MYO9A: variants seen among roughly 807,000 people sequenced by gnomAD.
MYO9A encodes unconventional myosin-IXa.
A neutral mutation model predicts 293.3 loss-of-function variants in MYO9A; 103 were observed. The ratio of observed to expected loss-of-function variants is 0.35; its 90% CI spans 0.30 to 0.41. MYO9A has a LOEUF of 0.41. MYO9A is among the 10% of genes least tolerant of loss of function. The probability of loss-of-function intolerance (pLI) is 1.00; values close to 1 mark genes in which losing one functional copy is unlikely to be tolerated. For missense variants in MYO9A, 2,685 were observed against 3,033.0 expected, an observed-to-expected ratio of 0.89 and a Z score of 2.69; for synonymous variants, 1,001 against 1,035.7, an observed-to-expected ratio of 0.97 and a Z score of 0.64.
At chr15:72,061,810 C>G (rs1364304937) in intron 1 of MYO9A, among the ~76,000 whole-genome samples, 1 of 152,154 alleles carries the variant, frequency 6.6e-6, no homozygotes, top group Admixed American at 6.6e-5. Flanking sequence ...AATTCACTAC[C>G]CACTGACTAA....
chr15:71,889,191 T>A (rs780496571), intron 26 of MYO9A, among the ~76,000 whole-genome samples: 4 of 152,104 alleles, frequency 2.6e-5, no homozygotes, highest in Non-Finnish European at 5.9e-5. Flanking sequence ...AAGGTCCACA[T>A]TGAATGTTCA....
chr15:72,012,068 C>CT (rs2077190610), intron 6 of MYO9A, among the ~76,000 whole-genome samples: 1 of 152,102 alleles, frequency 6.6e-6, no homozygotes, highest in South Asian at 2.1e-4. Flanking sequence ...GTTTTAGGCA[C>CT]TGTAAGCATT....
At chr15:72,044,234 C>T (rs1361583110) in intron 2 of MYO9A, among the ~76,000 whole-genome samples, 1 of 151,992 alleles carries the variant, frequency 6.6e-6, no homozygotes, top group African/African-American at 2.4e-5. Flanking sequence ...TGGAGAAACC[C>T]CTACTCTACT....
chr15:71,936,330 G>A (rs1000107276), intron 16 of MYO9A, among the ~76,000 whole-genome samples: 18 of 152,118 alleles, frequency 1.2e-4, no homozygotes, highest in Non-Finnish European at 2.2e-4. Context: ...ATGAGGTGGA[G>A]GGGTGCAGTA....
chr15:71,891,728 T>C (rs964359119), intron 26 of MYO9A: 1 of 152,220 alleles, frequency 6.6e-6, no homozygotes, highest in Non-Finnish European at 1.5e-5. Context: ...AGGGGACTTG[T>C]TTTGCATTTT....
At chr15:72,104,460 A>G (rs1319502200) in intron 1 of MYO9A, among the ~76,000 whole-genome samples, 6 of 152,354 alleles carry the variant, frequency 3.9e-5, no homozygotes, top group East Asian at 3.9e-4. Context: ...ATACGGTAAT[A>G]TAAGTCTGGT....
intron 1 of MYO9A, among the ~76,000 whole-genome samples, chr15:72,110,435 C>CAAAAAAAAAAAAAAAAAA: frequency 2.2e-5 from 1 of 45,106 alleles, no homozygotes; most frequent in Non-Finnish European, 4.7e-5. Flanking sequence ...GACTCCATCT[C>CAAAAAAAAAAAAAAAAAA]AAAAAAAAAA....
At chr15:71,922,110 T>C (rs1198162785) in intron 18 of MYO9A, among the ~76,000 whole-genome samples, 3 of 152,188 alleles carry the variant, frequency 2.0e-5, no homozygotes, top group Non-Finnish European at 4.4e-5. Context: ...CCTGAGTAGT[T>C]GAGACTACAG....
intron 39 of MYO9A, among the ~76,000 whole-genome samples, chr15:71,835,398 A>C (rs548137527): frequency 1.3e-5 from 2 of 152,338 alleles, no homozygotes; most frequent in East Asian, 3.9e-4. Context: ...AATCCAAAGG[A>C]GTCCACAGAA....
rs2054385625 is a variant in MYO9A, at chr15:71,824,411, CACAGGAAA to C, written c.*2161_*2168del. 1 of 152,114 alleles carries C rather than the reference CACAGGAAA, an allele frequency of 6.6e-6. No individual in the cohort carries two copies. The highest frequency in any genetic ancestry group is 2.4e-5 in the African/African-American group (1 of 41,422). The allele number at this position is 152,114 out of a possible 1,614,324, so 9.4% of individuals were successfully genotyped here. A position where few individuals can be genotyped will look rare whatever the true frequency, so the allele number is the denominator to read the frequency against. On this transcript the variant is annotated 3_prime_UTR_variant, in exon 42 of 42. Transcript: ENST00000356056. ...TGTTCTTCTGGCCATTCCTCTGGGC[CACAGGAAA>C]TTATTCCATAAGGGCAATCTCTTTT...
chr15:72,038,791 TAA>T (rs2078138981), intron 2 of MYO9A, among the ~76,000 whole-genome samples: 1 of 152,220 alleles, frequency 6.6e-6, no homozygotes. Flanking sequence ...GTGAGAGAAA[TAA>T]GAGTCTATCT....
chr15:72,060,137 CTAT>C (rs1463500576), intron 1 of MYO9A, among the ~76,000 whole-genome samples: 1 of 152,094 alleles, frequency 6.6e-6, no homozygotes, highest in Non-Finnish European at 1.5e-5. Context: ...GTAGAATATA[CTAT>C]AATATGGATC....
chr15:71,999,065 C>T (rs1215569097), intron 9 of MYO9A: 1 of 152,116 alleles, frequency 6.6e-6, no homozygotes, highest in African/African-American at 2.4e-5. Context: ...GAAATGTGGA[C>T]TTGGAGATAC....
At position 71,968,130 on chromosome 15, in the gene MYO9A, ATT is replaced by A; in HGVS notation, c.1845-7_1845-6del. 1 of 1,557,530 alleles carries A rather than the reference ATT, an allele frequency of 6.4e-7. No homozygotes were observed. The highest frequency in any genetic ancestry group is 8.7e-7 in the Non-Finnish European group (1 of 1,154,950). ...TGATTTGTAGCCTGTGGAAAGCTGA[ATT>A]AAAAAAAAAAGAAAAAATATCATTA... is the stretch of plus-strand genomic sequence containing the variant. On this transcript the variant is annotated splice_polypyrimidine_tract_variant and splice_region_variant and intron_variant, in intron 12 of 41. Coordinates refer to ENST00000356056, the MANE Select transcript of MYO9A (RefSeq NM_006901.4).
intron 2 of MYO9A, among the ~76,000 whole-genome samples, chr15:72,034,810 T>C (rs571809646): frequency 1.3e-5 from 2 of 152,366 alleles, no homozygotes; most frequent in East Asian, 3.9e-4. Context: ...ACTACTCTTA[T>C]TTTCATATAT....
intron 1 of MYO9A, among the ~76,000 whole-genome samples, chr15:72,074,886 ATCTG>A (rs1357405691): frequency 6.8e-6 from 1 of 147,794 alleles, no homozygotes; most frequent in Admixed American, 6.8e-5. Flanking sequence ...CCCTTTTTTG[ATCTG>A]TCTGAGGAAT....
chr15:71,976,728 A>C (rs899152708), intron 12 of MYO9A, among the ~76,000 whole-genome samples: 2 of 151,992 alleles, frequency 1.3e-5, no homozygotes, highest in Non-Finnish European at 2.9e-5. Flanking sequence ...CTGGACAGAA[A>C]ATTAAGGTAC....
intron 1 of MYO9A, among the ~76,000 whole-genome samples, chr15:72,084,707 C>T (rs7183055): frequency 0.66 from 100,151 of 151,970 alleles, 33,829 homozygotes; most frequent in Middle Eastern, 0.74. Flanking sequence ...GATCTTATTT[C>T]CCCTTTGCTA....
chr15:71,939,146 C>G (rs1279465856), intron 15 of MYO9A: 1 of 471,900 alleles, frequency 2.1e-6, no homozygotes, highest in Non-Finnish European at 3.7e-6. Context: ...TTTCTTCTTT[C>G]ATTGAATCAT....
Sources: allele counts gnomAD v4.1 joint callset (sites outside exome capture counted in the v4.1 genomes callset), GRCh38; gene constraint gnomAD v4.1.1; transcripts MANE v1.5; gene names NCBI Gene and HGNC (gene_info 2026-07-23, HGNC 2026-07-21).